The following GADL1 variants were observed in gnomAD, a reference collection of about 807,000 sequenced individuals.
GADL1 encodes GAD like acidic amino acid decarboxylase 1, also known as acidic amino acid decarboxylase GADL1.
In GADL1, 71 loss-of-function variants were observed where a neutral mutation model predicts 69.5. The ratio of observed to expected loss-of-function variants is 1.02; its 90% CI spans 0.84 to 1.25. The LOEUF (loss-of-function observed/expected upper bound fraction) is 1.25, where lower values mean the gene tolerates loss of function less well. Ranked by LOEUF, GADL1 falls within the 50% of genes most tolerant of loss-of-function variation. The pLI is 0.00. For missense variants in GADL1, 737 were observed against 631.8 expected, an observed-to-expected ratio of 1.17 and a Z score of -1.79; for synonymous variants, 254 against 214.4, an observed-to-expected ratio of 1.18 and a Z score of -1.62.
rs1048421009 is a variant in GADL1 at position 30,727,100 on chromosome 3, T to C, written c.*1142A>G. 1.3e-5 allele frequency: 2 copies of C among 151,266 alleles called. No individual in the cohort carries two copies. Among genetic ancestry groups the C allele is most frequent in the African/African-American group, 4.9e-5 (2 of 41,190 alleles). The allele number at this position is 151,266 out of a possible 1,614,324, so 9.4% of individuals were successfully genotyped here. On this transcript the variant is annotated 3_prime_UTR_variant, in exon 15 of 15. Coordinates refer to ENST00000282538, the MANE Select transcript of GADL1 (RefSeq NM_207359.3). ...TATATGTGTGTATATATATATATACTATACACACACATATGTATGTGTGTG... is the reference window on the plus strand; with the variant it reads ...TATATGTGTGTATATATATATATACCATACACACACATATGTATGTGTGTG...
At chr3:30,767,105 G>A (rs566859092) in intron 14 of GADL1, among the ~76,000 whole-genome samples, 132 of 152,260 alleles carry the variant, frequency 8.7e-4, no homozygotes, top group Non-Finnish European at 1.6e-3. Flanking sequence ...TCTGTGAGGT[G>A]CAGGTAGTTT....
chr3:30,848,055 TAGC>T (rs1320108513), intron 6 of GADL1, among the ~76,000 whole-genome samples: 11 of 152,186 alleles, frequency 7.2e-5, no homozygotes, highest in Admixed American at 2.0e-4. Context: ...AGCTTGGAAA[TAGC>T]AGTTTGAATG....
At chr3:30,889,084 TAAAAAA>T (rs60227313) in intron 1 of GADL1, among the ~76,000 whole-genome samples, 414 of 32,934 alleles carry the variant, frequency 0.013, 15 homozygotes, top group African/African-American at 0.031. Context: ...CGGTAATCTA[TAAAAAA>T]AAAAAAAAAA....
chr3:30,886,532 G>C (rs931067844), intron 1 of GADL1, among the ~76,000 whole-genome samples: 2 of 152,114 alleles, frequency 1.3e-5, no homozygotes, highest in Middle Eastern at 3.2e-3. Context: ...ATGGGGAGTG[G>C]GGTGGAATAG....
At chr3:30,849,536 CTGTGTGTGTG>C (rs71914328) in intron 6 of GADL1, among the ~76,000 whole-genome samples, 48 of 148,936 alleles carry the variant, frequency 3.2e-4, no homozygotes, top group East Asian at 2.0e-4. Flanking sequence ...GTGGCAATAT[CTGTGTGTGTG>C]TGTGTGTGTG....
intron 1 of GADL1, among the ~76,000 whole-genome samples, chr3:30,868,985 A>G (rs916362447): frequency 1.1e-4 from 17 of 151,718 alleles, no homozygotes; most frequent in African/African-American, 3.6e-4. Context: ...CCGGTCCAAG[A>G]GAGTCTGAGA....
intron 14 of GADL1, among the ~76,000 whole-genome samples, chr3:30,761,877 G>A (rs1234242206): frequency 6.6e-6 from 1 of 152,114 alleles, no homozygotes; most frequent in Non-Finnish European, 1.5e-5. Flanking sequence ...CACAAATGCT[G>A]CATTTCACAG....
intron 1 of GADL1, among the ~76,000 whole-genome samples, chr3:30,879,746 C>G (rs568795598): frequency 1.3e-5 from 2 of 151,910 alleles, no homozygotes; most frequent in South Asian, 4.2e-4. Flanking sequence ...ATTACTTTTT[C>G]TTGATGCTAG....
chr3:30,861,537 T>G lies in GADL1; in HGVS notation c.210+56A>C, dbSNP rs183607489. 8 of 1,310,724 alleles carry G rather than the reference T, an allele frequency of 6.1e-6. No homozygotes were observed. The East Asian group carries it at 2.0e-4, about 33-fold the overall frequency. 81.2% of individuals were successfully genotyped at this position (1,310,724 alleles called of 1,614,324 possible). A position where few individuals can be genotyped will look rare whatever the true frequency, so the allele number is the denominator to read the frequency against. The stretch of plus-strand genomic sequence containing the variant: ...TTGCTTTCTATTCAGCCATACTGAT[T>G]TGGGGAACATCTATCTTTCCCATTT... On this transcript the variant is annotated intron_variant, in intron 2 of 14. Coordinates refer to ENST00000282538, the MANE Select transcript of GADL1 (RefSeq NM_207359.3).
At chr3:30,777,891 C>A (rs1000106377) in intron 14 of GADL1, among the ~76,000 whole-genome samples, 1 of 152,180 alleles carries the variant, frequency 6.6e-6, no homozygotes, top group African/African-American at 2.4e-5. Context: ...CATCACACAA[C>A]TTTAACCTTG....
chr3:30,801,895 T>A (rs766800944), intron 11 of GADL1, among the ~76,000 whole-genome samples: 2 of 152,182 alleles, frequency 1.3e-5, no homozygotes, highest in Non-Finnish European at 2.9e-5. Context: ...ATCCTTATGC[T>A]CCTCAGTGGA....
At chr3:30,874,405 T>A (rs914858862) in intron 1 of GADL1, among the ~76,000 whole-genome samples, 1 of 151,922 alleles carries the variant, frequency 6.6e-6, no homozygotes, top group African/African-American at 2.4e-5. Flanking sequence ...CTGGCCTGGG[T>A]TATTCCTCAG....
chr3:30,763,884 T>C (rs1319681222), intron 14 of GADL1, among the ~76,000 whole-genome samples: 1 of 151,868 alleles, frequency 6.6e-6, no homozygotes, highest in Non-Finnish European at 1.5e-5. Context: ...CTTAAAATGA[T>C]ATAATTTGGT....
At chr3:30,828,155 G>T (rs1319584947) in intron 11 of GADL1, among the ~76,000 whole-genome samples, 2 of 151,804 alleles carry the variant, frequency 1.3e-5, no homozygotes, top group African/African-American at 4.8e-5. Context: ...GATTCAGTTT[G>T]TTCTAGTTTC....
intron 6 of GADL1, among the ~76,000 whole-genome samples, chr3:30,848,891 G>A (rs1698098162): frequency 6.6e-6 from 1 of 152,192 alleles, no homozygotes; most frequent in Non-Finnish European, 1.5e-5. Context: ...GTTGTTCTCT[G>A]TTCCGTGTAT....
intron 12 of GADL1, among the ~76,000 whole-genome samples, chr3:30,790,415 C>T (rs1309368153): frequency 6.6e-6 from 1 of 152,162 alleles, no homozygotes; most frequent in South Asian, 2.1e-4. Flanking sequence ...TGAGCACATG[C>T]TGTTGGGAAA....
chr3:30,754,880 A>G (rs970285090), intron 14 of GADL1, among the ~76,000 whole-genome samples: 22 of 150,216 alleles, frequency 1.5e-4, no homozygotes, highest in Non-Finnish European at 4.5e-5. Flanking sequence ...TGAAAGTCTC[A>G]TGTGCTTGGG....
intron 14 of GADL1, among the ~76,000 whole-genome samples, chr3:30,760,062 T>TAAG (rs1343926562): frequency 6.6e-6 from 1 of 152,238 alleles, no homozygotes; most frequent in Non-Finnish European, 1.5e-5. Flanking sequence ...TTGTCTCATA[T>TAAG]CACTAAAGTT....
In GADL1 at chr3:30,778,386, C is replaced by T. The variant is rs1487785565; in HGVS notation, c.1303-118G>A. 6.1e-6 allele frequency: 4 copies of T among 658,038 alleles called. No individual in the cohort carries two copies. In the African/African-American group the frequency reaches 7.3e-5, roughly 12 times the overall value. The allele number at this position is 658,038 out of a possible 1,614,324, so 40.8% of individuals were successfully genotyped here. ...AGTTATCATGTGTATAAAATTTTAA[C>T]ATCAGAATCTTATAGAGTAACAATC... On this transcript the variant is annotated intron_variant, in intron 13 of 14. Transcript: ENST00000282538.
Sources: gnomAD v4.1 joint callset for allele counts (sites outside exome capture counted in the v4.1 genomes callset) on GRCh38, gnomAD v4.1.1 for gene constraint, MANE v1.5 for transcripts, NCBI Gene and HGNC (gene_info 2026-07-23, HGNC 2026-07-21) for gene names.